BMP2K: variants seen among roughly 807,000 people sequenced by gnomAD.
BMP2K encodes BMP2 inducible kinase.
In BMP2K, 74 loss-of-function variants were observed where a neutral mutation model predicts 116.0. The ratio of observed to expected loss-of-function variants is 0.64; its 90% confidence interval spans 0.53 to 0.77. The LOEUF (loss-of-function observed/expected upper bound fraction) is 0.77. Ranked by LOEUF, BMP2K falls within the 30% of genes least tolerant of loss-of-function variation. BMP2K has a pLI of 0.00. For synonymous variants in BMP2K, 486 were observed against 502.5 expected, an observed-to-expected ratio of 0.97 and a Z score of 0.44; for missense variants, 1,365 against 1,403.6, an observed-to-expected ratio of 0.97 and a Z score of 0.44.
intron 15 of BMP2K, among the ~76,000 whole-genome samples, chr4:78,891,391 AC>A (rs1733428833): frequency 6.6e-6 from 1 of 151,996 alleles, no homozygotes; most frequent in South Asian, 2.1e-4. Context: ...TGTGCTGGGG[AC>A]CTAGTGGGCC....
chr4:78,863,874 A>T (rs1731916756), intron 9 of BMP2K, among the ~76,000 whole-genome samples: 1 of 152,148 alleles, frequency 6.6e-6, no homozygotes, highest in African/African-American at 2.4e-5. Flanking sequence ...AGCCTTCTGT[A>T]GCCAAATTAG....
chr4:78,870,906 A>G lies in BMP2K; in HGVS notation c.1355A>G (p.His452Arg), dbSNP rs1265298940. Residue 452 changes from histidine (H) to arginine (R), a missense_variant, in exon 11 of 16, where the codon CAT becomes CGT. Around this residue, in one of 3 missense-constraint regions of BMP2K, gnomAD observed 762 missense variants for 756.7 expected, o/e 1.01. Coordinates refer to ENST00000502613, the MANE Select transcript of BMP2K (RefSeq NM_198892.2). ...GGAGATTGGAGATTACAGCAACTCC[A>G]TTTACAGCATCGTCATCCTCACCAG... ...QQGDWRLQQL[H>R]LQHRHPHQQQ... is the part of the protein sequence containing the mutation. 1.2e-6 allele frequency: 2 copies of G among 1,614,044 alleles called. No individual in the cohort carries two copies. The highest frequency in any genetic ancestry group is 2.2e-5 in the South Asian group (2 of 91,084).
intron 1 of BMP2K, among the ~76,000 whole-genome samples, chr4:78,792,134 G>A (rs919502217): frequency 1.8e-4 from 27 of 152,218 alleles, no homozygotes; most frequent in Middle Eastern, 3.4e-3. Flanking sequence ...AATAGCCATC[G>A]TAATGAAGTG....
intron 15 of BMP2K, among the ~76,000 whole-genome samples, chr4:78,898,326 T>G (rs1254829851): frequency 1.3e-5 from 2 of 152,054 alleles, no homozygotes; most frequent in Admixed American, 6.6e-5. Flanking sequence ...ATTTACAGAT[T>G]GTCAGTCCAC....
chr4:78,887,100 G>T (rs1733134686), intron 14 of BMP2K, 74 bp from the exon 15 acceptor site: 1 of 1,034,898 alleles, frequency 9.7e-7, no homozygotes, highest in South Asian at 1.4e-5. Context: ...TTATTTATAT[G>T]TATATCACTT....
In BMP2K at chr4:78,865,568, C is replaced by A. The variant is rs1285711345; in HGVS notation, c.1079C>A (p.Thr360Asn). The A allele has an allele frequency of 1.5e-5, 25 of 1,613,706 alleles. No individual in the cohort carries two copies. The highest frequency in any genetic ancestry group is 2.1e-5 in the Non-Finnish European group (25 of 1,179,760). Residue 360 changes from threonine to asparagine, a missense_variant, in exon 10 of 16, where the codon ACC (threonine) becomes AAC (asparagine). Transcript: ENST00000502613. Reference sequence around the variant, plus strand: ...TTCTTCTGTTGTAGAATAACAGATACCATTGGACCAACAGAAACCTCAATT... The same window carrying A: ...TTCTTCTGTTGTAGAATAACAGATAACATTGGACCAACAGAAACCTCAATT... ...KSQIKARITD[T>N]IGPTETSIAP...
intron 2 of BMP2K, 128 bp downstream of exon 2, chr4:78,826,283 C>A: frequency 1.6e-6 from 1 of 637,218 alleles, no homozygotes; most frequent in Non-Finnish European, 2.7e-6. Context: ...CTCGCTGCAA[C>A]CTCCACCTCC....
At chr4:78,821,712 A>G (rs1469722128) in intron 1 of BMP2K, among the ~76,000 whole-genome samples, 1 of 152,130 alleles carries the variant, frequency 6.6e-6, no homozygotes, top group Non-Finnish European at 1.5e-5. Flanking sequence ...GCTCTGTTTT[A>G]AGGATTATTT....
At chr4:78,793,266 C>T (rs1039349715) in intron 1 of BMP2K, among the ~76,000 whole-genome samples, 2 of 151,608 alleles carry the variant, frequency 1.3e-5, no homozygotes, top group Admixed American at 6.6e-5. Context: ...AAAAATTAGC[C>T]GGGCATAGTG....
rs901490072 is a variant in BMP2K at position 78,838,300 on chromosome 4, G to A, written c.404-4085G>A. On this transcript the variant is annotated intron_variant, in intron 3 of 15. Coordinates refer to ENST00000502613, the MANE Select transcript of BMP2K (RefSeq NM_198892.2). ...TCCGTCTCACAACATGTGGGATTTCGCGATGAGCTTTGGGTGGGGACACGG... is the reference window on the plus strand; with the variant it reads ...TCCGTCTCACAACATGTGGGATTTCACGATGAGCTTTGGGTGGGGACACGG... Among the ~76,000 whole-genome samples the A allele has an allele frequency of 1.6e-4, 25 of 152,192 alleles. 1 individual carries two copies. Among genetic ancestry groups the A allele is most frequent in the Admixed American group, 5.2e-4 (8 of 15,280 alleles).
In BMP2K at chr4:78,911,611, A is replaced by C. The variant is rs750756658; in HGVS notation, c.3064A>C (p.Lys1022Gln). The change falls in exon 16 of 16, where the codon AAA becomes CAA. Residue 1022 changes from lysine to glutamine, a missense_variant. This residue lies in a region of BMP2K where 596 missense variants were observed against 623.2 expected (regional missense o/e 0.96). Transcript: ENST00000502613. ...CACTCCAGAGAGGGCTCGCAGGCAC[A>C]AAAAAGTGGGCCGCCGAGACTCTCA... ...YRTPERARRH[K>Q]KVGRRDSQSS... is the part of the protein sequence containing the mutation. 6.2e-7 allele frequency: 1 copy of C among 1,613,986 alleles called. No individual in the cohort carries two copies.
intron 7 of BMP2K, among the ~76,000 whole-genome samples, chr4:78,858,657 T>A (rs1731617150): frequency 6.6e-6 from 1 of 151,956 alleles, no homozygotes; most frequent in Non-Finnish European, 1.5e-5. Context: ...TTTATAATTT[T>A]ATTTAACCCA....
intron 1 of BMP2K, among the ~76,000 whole-genome samples, chr4:78,792,945 C>G (rs193265151): frequency 6.6e-6 from 1 of 152,270 alleles, no homozygotes; most frequent in African/African-American, 2.4e-5. Context: ...GCTAAATTAT[C>G]TTTATGTACT....
intron 1 of BMP2K, among the ~76,000 whole-genome samples, chr4:78,783,992 G>C (rs1727622825): frequency 6.6e-6 from 1 of 152,074 alleles, no homozygotes; most frequent in Non-Finnish European, 1.5e-5. Context: ...ATTAATATTT[G>C]TTAGTATGTT....
chr4:78,879,140 G>T, intron 14 of BMP2K: 1 of 1,185,366 alleles, frequency 8.4e-7, no homozygotes, highest in Non-Finnish European at 1.0e-6. Flanking sequence ...CTTAAATATT[G>T]CATATCTATG....
chr4:78,888,525 C>T (rs1733234145), intron 15 of BMP2K, among the ~76,000 whole-genome samples: 1 of 152,142 alleles, frequency 6.6e-6, no homozygotes, highest in African/African-American at 2.4e-5. Context: ...TTATCCTTTT[C>T]AGGTTTGCAT....
chr4:78,804,886 T>G (rs1728743336), intron 1 of BMP2K, among the ~76,000 whole-genome samples: 1 of 152,148 alleles, frequency 6.6e-6, no homozygotes, highest in African/African-American at 2.4e-5. Context: ...TCTTTTTGCT[T>G]TCTTGATAGT....
chr4:78,900,450 T>C (rs184392168), intron 15 of BMP2K, among the ~76,000 whole-genome samples: 1 of 152,264 alleles, frequency 6.6e-6, no homozygotes, highest in Admixed American at 6.5e-5. Context: ...GAATAAACAG[T>C]ATTCTGGAGA....
At chr4:78,862,564 A>T (rs556307487) in intron 9 of BMP2K, among the ~76,000 whole-genome samples, 14 of 152,204 alleles carry the variant, frequency 9.2e-5, no homozygotes, top group African/African-American at 3.4e-4. Flanking sequence ...GGAGAGGTAG[A>T]TAAATGCCAA....
Sources: allele counts gnomAD v4.1 joint callset (sites outside exome capture counted in the v4.1 genomes callset), GRCh38; gene constraint gnomAD v4.1.1; regional missense constraint gnomAD v4.1.1; transcripts MANE v1.5; gene names NCBI Gene and HGNC (gene_info 2026-07-23, HGNC 2026-07-21).